Variants in FAM81A observed in about 807,000 individuals in gnomAD.
FAM81A encodes the protein protein FAM81A.
Under a neutral mutation model 46.7 loss-of-function variants are expected in FAM81A, and 19 were observed. The ratio of observed to expected loss-of-function variants is 0.41; its 90% CI spans 0.28 to 0.60. The LOEUF (loss-of-function observed/expected upper bound fraction) is 0.60, where lower values mean the gene tolerates loss of function less well. Ranked by LOEUF, FAM81A falls within the 20% of genes least tolerant of loss-of-function variation. The pLI is 0.34. For synonymous variants in FAM81A, 183 were observed against 152.9 expected (o/e 1.20, Z -1.45); for missense variants, 377 against 453.5 (o/e 0.83, Z 1.53).
intron 1 of FAM81A, among the ~76,000 whole-genome samples, chr15:59,448,229 T>A (rs1460320668): frequency 1.3e-5 from 2 of 151,942 alleles, no homozygotes; most frequent in Non-Finnish European, 2.9e-5. Flanking sequence ...ATACAAAAAT[T>A]AGCTGTGTGT....
In FAM81A at chr15:59,523,172, C is replaced by T. The variant is rs1596557426; in HGVS notation, c.*1794C>T. The T allele has an allele frequency of 6.6e-6, 1 of 152,272 alleles. No homozygotes were observed. Among genetic ancestry groups the T allele is most frequent in the African/African-American group, 2.4e-5 (1 of 41,444 alleles). 9.4% of individuals were successfully genotyped at this position (152,272 alleles called of 1,614,324 possible). ...AGGGAGGCGGGGAACACCAGCTGGA[C>T]TCTGGCCAAGGAGTGATGTAAGCAG... On this transcript the variant is annotated 3_prime_UTR_variant, in exon 9 of 9. Coordinates refer to ENST00000288228, the MANE Select transcript of FAM81A (RefSeq NM_152450.3).
At chr15:59,430,042 A>C (rs2081212790) in intron 2 of FAM81A, among the ~76,000 whole-genome samples, 1 of 152,162 alleles carries the variant, frequency 6.6e-6, no homozygotes, top group Non-Finnish European at 1.5e-5. Context: ...CAAAACAATA[A>C]AAAAGAAAAA....
chr15:59,504,876 A>G (rs892986774), intron 4 of FAM81A, among the ~76,000 whole-genome samples: 2 of 152,278 alleles, frequency 1.3e-5, no homozygotes, highest in Non-Finnish European at 2.9e-5. Context: ...TTTAGTCTGT[A>G]GCTTTTAAGA....
At chr15:59,476,507 G>A (rs891443856) in intron 3 of FAM81A, among the ~76,000 whole-genome samples, 6 of 152,188 alleles carry the variant, frequency 3.9e-5, no homozygotes, top group South Asian at 2.1e-4. Context: ...CACCAGGCAC[G>A]GTGGCTCACG....
intron 2 of FAM81A, among the ~76,000 whole-genome samples, chr15:59,404,720 G>A (rs1463230841): frequency 2.0e-5 from 3 of 152,186 alleles, no homozygotes; most frequent in Non-Finnish European, 4.4e-5. Flanking sequence ...GCCTCCCAAA[G>A]TGCTGGAATT....
In FAM81A at chr15:59,460,561, T is replaced by C; in HGVS notation, c.294+355T>C. The C allele has an allele frequency of 2.7e-6, 1 of 372,260 alleles. No individual in the cohort carries two copies. The highest frequency in any genetic ancestry group is 6.8e-5 in the East Asian group (1 of 14,688). 23.1% of individuals were successfully genotyped at this position (372,260 alleles called of 1,614,324 possible). On this transcript the variant is annotated intron_variant, in intron 3 of 8. Coordinates refer to ENST00000288228, the MANE Select transcript of FAM81A (RefSeq NM_152450.3). The surrounding 1 kb of genome is among the most constrained non-coding windows in gnomAD (Gnocchi z 4.4). ...TGAAGACAGCTATTAAGTCAATTAC[T>C]AAGGTCAGACTCTGTTGCTTCAGAT...
chr15:59,442,618 CAAA>C (rs1196305104), intron 1 of FAM81A, among the ~76,000 whole-genome samples: 20 of 76,702 alleles, frequency 2.6e-4, no homozygotes, highest in Non-Finnish European at 8.0e-5. Flanking sequence ...CTCCGTCTCT[CAAA>C]AAAAAAAAAA....
intron 6 of FAM81A, among the ~76,000 whole-genome samples, chr15:59,509,842 G>C (rs1243257390): frequency 1.3e-5 from 2 of 152,180 alleles, no homozygotes; most frequent in Admixed American, 6.5e-5. Context: ...AACAGGGAGT[G>C]AGGGTGAAGC....
chr15:59,514,088 C>A (rs1454726988), intron 6 of FAM81A, among the ~76,000 whole-genome samples: 2 of 151,760 alleles, frequency 1.3e-5, no homozygotes, highest in African/African-American at 4.8e-5. Flanking sequence ...ATGGGGGGGG[C>A]AAGGGAGAGC....
chr15:59,509,385 TC>T (rs1436961767), intron 6 of FAM81A, among the ~76,000 whole-genome samples: 62 of 152,300 alleles, frequency 4.1e-4, no homozygotes, highest in African/African-American at 1.5e-3. Context: ...TGAATAATGG[TC>T]CTCTAAACAT....
At chr15:59,487,657 G>T (rs541758455) in intron 3 of FAM81A, among the ~76,000 whole-genome samples, 1 of 152,128 alleles carries the variant, frequency 6.6e-6, no homozygotes, top group Admixed American at 6.5e-5. Flanking sequence ...AAACCTAGAA[G>T]AAATGGATAA....
At chr15:59,448,020 GA>G (rs1188207347) in intron 1 of FAM81A, among the ~76,000 whole-genome samples, 1 of 152,032 alleles carries the variant, frequency 6.6e-6, no homozygotes, top group Non-Finnish European at 1.5e-5. Flanking sequence ...AGGGAAGAGG[GA>G]GGAGCAAGAG....
intron 4 of FAM81A, among the ~76,000 whole-genome samples, chr15:59,492,844 C>T (rs1447284335): frequency 6.6e-6 from 1 of 152,064 alleles, no homozygotes. Context: ...TCAAAGTGTG[C>T]TGCATGGACC....
intron 1 of FAM81A, chr15:59,401,478 C>A: frequency 1.3e-6 from 1 of 766,566 alleles, no homozygotes; most frequent in South Asian, 1.5e-5. Flanking sequence ...AAACGCAAGC[C>A]CATTGGCCTG....
At chr15:59,503,439 T>C (rs1341678444) in intron 4 of FAM81A, among the ~76,000 whole-genome samples, 1 of 152,138 alleles carries the variant, frequency 6.6e-6, no homozygotes, top group Non-Finnish European at 1.5e-5. Context: ...TACAAAGTAT[T>C]ATATATACTA....
chr15:59,456,646 G>T (rs1260256241), intron 1 of FAM81A, among the ~76,000 whole-genome samples: 4 of 152,118 alleles, frequency 2.6e-5, no homozygotes, highest in Non-Finnish European at 5.9e-5. Context: ...CGCTATCATG[G>T]CTCACTGTAG....
At position 59,514,366 on chromosome 15, in the gene FAM81A, T is replaced by A. The variant is rs769046465; in HGVS notation, c.728T>A (p.Ile243Lys). 6 of 1,613,636 alleles carry A rather than the reference T, an allele frequency of 3.7e-6. No homozygotes were observed. The highest frequency in any genetic ancestry group is 5.1e-6 in the Non-Finnish European group (6 of 1,179,798). Reference sequence around the variant, plus strand: ...TGGTTGCAACAGGAACAAGAACGGATAGAAAAAGAGCTTTTACAGAAAATT... The same window carrying A: ...TGGTTGCAACAGGAACAAGAACGGAAAGAAAAAGAGCTTTTACAGAAAATT... ...RSWLQQEQER[I>K]EKELLQKIDQ... Residue 243 changes from isoleucine (I) to lysine (K), a missense_variant, in exon 7 of 9, where the codon ATA becomes AAA. Physicochemically the swap from Ile to Lys is moderately radical, Grantham distance 102. Transcript: ENST00000288228.
intron 2 of FAM81A, among the ~76,000 whole-genome samples, chr15:59,418,289 A>G (rs528327776): frequency 6.6e-6 from 1 of 152,354 alleles, no homozygotes; most frequent in East Asian, 1.9e-4. Flanking sequence ...GGCAACAAAC[A>G]GTGACAACAG....
intron 4 of FAM81A, among the ~76,000 whole-genome samples, chr15:59,503,634 G>A (rs1240049684): frequency 4.0e-5 from 6 of 151,642 alleles, no homozygotes; most frequent in South Asian, 4.2e-4. Context: ...GTGCAATGGC[G>A]CAGTCTCAGC....
Sources: allele counts gnomAD v4.1 joint callset (sites outside exome capture counted in the v4.1 genomes callset), GRCh38; gene constraint gnomAD v4.1.1; non-coding constraint Gnocchi (gnomAD v3.1); transcripts MANE v1.5; gene names NCBI Gene and HGNC (gene_info 2026-07-23, HGNC 2026-07-21).